The following MED1 variants were observed in gnomAD, a reference collection of about 807,000 sequenced individuals.
The protein encoded by MED1 is mediator of RNA polymerase II transcription subunit 1.
MED1 carries 17 observed loss-of-function variants against 121.3 expected under a neutral mutation model. The observed-to-expected ratio is 0.14, with a 90% CI of 0.10 to 0.21. The LOEUF (loss-of-function observed/expected upper bound fraction) is 0.21, where lower values mean the gene tolerates loss of function less well. Ranked by LOEUF, MED1 falls within the 10% of genes least tolerant of loss-of-function variation. The pLI, the probability that MED1 is intolerant of heterozygous loss-of-function variation, is 1.00. For synonymous variants in MED1, 661 were observed against 694.4 expected (o/e 0.95, Z 0.76); for missense variants, 1,558 against 1,919.4 (o/e 0.81, Z 3.52).
Position 39,409,756 on chromosome 17 carries a change from T to C in MED1, c.2465A>G (p.Asp822Gly), listed in dbSNP as rs1034339084. 6.2e-7 allele frequency: 1 copy of C among 1,613,820 alleles called. No individual in the cohort carries two copies. The stretch of plus-strand genomic sequence containing the variant: ...ATTGTTAGTTTGAAAGACATCAGAG[T>C]CAAACAGGGTACTCTGAGAATGCCC... The part of the protein sequence containing the change: ...SSGHSQSTLF[D>G]SDVFQTNNNE... Residue 822 changes from aspartate to glycine, a missense_variant, in exon 17 of 17, where the codon GAC becomes GGC. Transcript: ENST00000300651.
intron 10 of MED1, among the ~76,000 whole-genome samples, chr17:39,425,587 A>G (rs1351829306): frequency 3.3e-5 from 5 of 151,680 alleles, no homozygotes; most frequent in Admixed American, 6.6e-5. Flanking sequence ...GTGGATCACA[A>G]GGTCAGGGGT....
rs981855041 is a variant in MED1, at chr17:39,425,247, G to A, written c.740-509C>T. Among the ~76,000 whole-genome samples, 39 of 152,216 alleles carry A rather than the reference G, an allele frequency of 2.6e-4. 2 individuals carry two copies. Among genetic ancestry groups the A allele is most frequent in the Non-Finnish European group, 3.2e-4 (22 of 68,004 alleles). On this transcript the variant is annotated intron_variant, in intron 10 of 16. Coordinates refer to ENST00000300651, the MANE Select transcript of MED1 (RefSeq NM_004774.4). ...CTCACTCTGTCCAGACTGGAATGCA[G>A]TGGTGTGATCTCGACTCACTGCAAT...
In MED1 at chr17:39,422,517, C is replaced by T. The variant is rs1346598161; in HGVS notation, c.1095+810G>A. ...TTGAGACGGAATTTCGCTCTTGTTG[C>T]CCAGGCTGGAGTGCAGTGGCGCAAT... On this transcript the variant is annotated intron_variant, in intron 13 of 16. Coordinates refer to ENST00000300651, the MANE Select transcript of MED1 (RefSeq NM_004774.4). Among the ~76,000 whole-genome samples the T allele has an allele frequency of 4.8e-5, 6 of 126,030 alleles. No homozygotes were observed. In the East Asian group the frequency reaches 1.5e-3, roughly 31 times the overall value. The allele number at this position is 126,030 out of a possible 152,430, so 82.7% of individuals were successfully genotyped here.
chr17:39,427,971 C>T (rs1417392584), intron 9 of MED1, among the ~76,000 whole-genome samples, 181 bp from the exon 10 acceptor site: 1 of 152,062 alleles, frequency 6.6e-6, no homozygotes, highest in African/African-American at 2.4e-5. Flanking sequence ...AATCCTGGCT[C>T]TCTGGGAGGC....
Position 39,419,764 on chromosome 17 carries a change from T to C in MED1, c.1250A>G (p.Tyr417Cys), listed in dbSNP as rs369462427. The C allele has an allele frequency of 6.8e-6, 11 of 1,614,102 alleles. No homozygotes were observed. The South Asian group carries it at 7.7e-5, about 11-fold the overall frequency. The change falls in exon 14 of 17, where the codon TAT becomes TGT. Residue 417 changes from tyrosine to cysteine, a missense_variant. Coordinates refer to ENST00000300651, the MANE Select transcript of MED1 (RefSeq NM_004774.4). ...GACACAGCTTCCAATGAGGGTGTTA[T>C]AGGCCACTTGGTGTCTGATCAGATT... ...ILNLIRHQVA[Y>C]NTLIGSCVKR... is the part of the protein sequence containing the mutation.
intron 10 of MED1, among the ~76,000 whole-genome samples, chr17:39,426,006 C>T (rs2048511844): frequency 1.3e-5 from 2 of 152,098 alleles, no homozygotes; most frequent in African/African-American, 2.4e-5. Context: ...CTGGCTCACA[C>T]CTGTAATCCT....
intron 11 of MED1, among the ~76,000 whole-genome samples, chr17:39,424,263 C>A (rs1356739808): frequency 6.6e-6 from 1 of 152,312 alleles, no homozygotes; most frequent in East Asian, 1.9e-4. Context: ...GTGAAACTTC[C>A]TACCCCCAAT....
Position 39,408,419 on chromosome 17 carries a change from C to T in MED1, c.3802G>A (p.Ala1268Thr), listed in dbSNP as rs1214143199. The change falls in exon 17 of 17, where the codon GCA becomes ACA. Residue 1268 changes from alanine (A) to threonine (T), a missense_variant. By Grantham distance (58) the Ala-to-Thr change is moderately conservative. Coordinates refer to ENST00000300651, the MANE Select transcript of MED1 (RefSeq NM_004774.4). This position sits in a 1 kb window ranked among gnomAD's most constrained non-coding sequence, Gnocchi z 4.7. ...KTPPSSNSCT[A>T]SSSSFSSSGS... is the part of the protein sequence containing the mutation. ...CTTGAGGAAAAGGAGGAGGAAGATG[C>T]CGTACAGGAATTAGATGATGGGGGA... The T allele has an allele frequency of 1.9e-6, 3 of 1,614,094 alleles. No homozygotes were observed. The South Asian group carries it at 3.3e-5, about 18-fold the overall frequency.
chr17:39,412,533 C>CTTTTTTTTT (rs1170139893), intron 16 of MED1, among the ~76,000 whole-genome samples: 3 of 102,290 alleles, frequency 2.9e-5, no homozygotes, highest in Non-Finnish European at 2.1e-5. Flanking sequence ...GCAAATTTTT[C>CTTTTTTTTT]TTTTTTTTTT....
In MED1 at chr17:39,409,892, G is replaced by A; in HGVS notation, c.2329C>T (p.Pro777Ser). The change falls in exon 17 of 17, where the codon CCA becomes TCA. Residue 777 changes from proline (P) to serine (S), a missense_variant. Around this residue, in one of 5 missense-constraint regions of MED1, gnomAD observed 793 missense variants for 898.2 expected, o/e 0.88. Transcript: ENST00000300651. ...TCTGAAAGGATGTCAGTTACATCTG[G>A]GCCAATGCTGTCTGAACTGGATAGT... ...VRLSSSDSIG[P>S]DVTDILSDIA... is the part of the protein sequence containing the mutation. The A allele has an allele frequency of 6.2e-7, 1 of 1,614,098 alleles. No individual in the cohort carries two copies. Among genetic ancestry groups the A allele is most frequent in the Non-Finnish European group, 8.5e-7 (1 of 1,180,024 alleles).
Position 39,439,197 on chromosome 17 carries a change from A to C in MED1, c.400-4T>G, listed in dbSNP as rs779797619. The C allele has an allele frequency of 6.3e-7, 1 of 1,579,160 alleles. No individual in the cohort carries two copies. The highest frequency in any genetic ancestry group is 2.1e-5 in the Admixed American group (1 of 47,496). On this transcript the variant is annotated splice_region_variant and splice_polypyrimidine_tract_variant and intron_variant, in intron 5 of 16. Transcript: ENST00000300651. ...GCTGTACAAGCTCCGGACAGCTCTG[A>C]AATCAAAGAAAATTATGTTAAAACA...
Position 39,406,764 on chromosome 17 carries a change from A to C in MED1, c.*711T>G. The C allele has an allele frequency of 1.0e-6, 1 of 985,538 alleles. No individual in the cohort carries two copies. Among genetic ancestry groups the C allele is most frequent in the Non-Finnish European group, 1.2e-6 (1 of 829,904 alleles). The allele number at this position is 985,538 out of a possible 1,614,324, so 61.0% of individuals were successfully genotyped here. ...TGATGCTACAGTATTAGCACAAGCTATAAGCTCCCTACCACCATATAAGCC... is the reference window on the plus strand; with the variant it reads ...TGATGCTACAGTATTAGCACAAGCTCTAAGCTCCCTACCACCATATAAGCC... On this transcript the variant is annotated 3_prime_UTR_variant, in exon 17 of 17. Coordinates refer to ENST00000300651, the MANE Select transcript of MED1 (RefSeq NM_004774.4).
intron 13 of MED1, among the ~76,000 whole-genome samples, chr17:39,420,493 G>T (rs1257664434): frequency 6.6e-6 from 1 of 151,812 alleles, no homozygotes; most frequent in African/African-American, 2.4e-5. Context: ...AAACAACCAC[G>T]CCCGGCTGCA....
At chr17:39,447,140 C>T (rs151201068) in intron 2 of MED1, among the ~76,000 whole-genome samples, 25 of 152,222 alleles carry the variant, frequency 1.6e-4, no homozygotes, top group African/African-American at 5.5e-4. Context: ...CCTGTAATCC[C>T]AGCACTTTGG....
intron 1 of MED1, among the ~76,000 whole-genome samples, chr17:39,449,436 C>T (rs2048760255): frequency 6.6e-6 from 1 of 152,160 alleles, no homozygotes; most frequent in Non-Finnish European, 1.5e-5. Context: ...CCGCTTCGGC[C>T]TCCCAAGGTG....
chr17:39,408,980 T>G lies in MED1; in HGVS notation c.3241A>C (p.Ser1081Arg). Residue 1081 changes from serine to arginine, a missense_variant, in exon 17 of 17, where the codon AGT (serine) becomes CGT (arginine). Transcript: ENST00000300651. The surrounding 1 kb of genome is among the most constrained non-coding windows in gnomAD (Gnocchi z 4.7). ...TVMVGKPSSH[S>R]QYTSSGSVSS... Reference sequence around the variant, plus strand: ...ACAGAACCACTGCTGGTATACTGACTGTGAGAGGAAGGCTTGCCCACCATC... The same window carrying G: ...ACAGAACCACTGCTGGTATACTGACGGTGAGAGGAAGGCTTGCCCACCATC... The G allele has an allele frequency of 6.2e-7, 1 of 1,614,214 alleles. No individual in the cohort carries two copies. Among genetic ancestry groups the G allele is most frequent in the South Asian group, 1.1e-5 (1 of 91,088 alleles).
chr17:39,444,176 C>A (rs1010727731), intron 2 of MED1, among the ~76,000 whole-genome samples: 2 of 152,018 alleles, frequency 1.3e-5, no homozygotes, highest in African/African-American at 2.4e-5. Flanking sequence ...ATCTGAGAAA[C>A]ACAACCAAAT....
rs1430616840 is a variant in MED1 at position 39,439,158 on chromosome 17, T to G, written c.428+7A>C. ...AATATCAAGGAATATAAATCGTATT[T>G]GCTCACCTTAGCTGCTGTACAAGCT... On this transcript the variant is annotated splice_region_variant and intron_variant, in intron 6 of 16. Coordinates refer to ENST00000300651, the MANE Select transcript of MED1 (RefSeq NM_004774.4). The G allele has an allele frequency of 3.8e-6, 6 of 1,594,210 alleles. No individual in the cohort carries two copies. In the African/African-American group the frequency reaches 5.4e-5, roughly 14 times the overall value.
chr17:39,431,013 T>C lies in MED1; in HGVS notation c.649+102A>G, dbSNP rs1047454536. 27 of 1,097,586 alleles carry C rather than the reference T, an allele frequency of 2.5e-5. 1 individual carries two copies. The highest frequency in any genetic ancestry group is 3.4e-5 in the Non-Finnish European group (25 of 735,280). The allele number at this position is 1,097,586 out of a possible 1,614,324, so 68.0% of individuals were successfully genotyped here. A position where few individuals can be genotyped will look rare whatever the true frequency, so the allele number is the denominator to read the frequency against. ...CAGCCTGGGCAACAAAGTGAGACTC[T>C]GTCTCAAAAAAATAAACAAACAAAC... On this transcript the variant is annotated intron_variant, in intron 9 of 16. Coordinates refer to ENST00000300651, the MANE Select transcript of MED1 (RefSeq NM_004774.4).
Sources: gnomAD v4.1 joint callset for allele counts (sites outside exome capture counted in the v4.1 genomes callset) on GRCh38, gnomAD v4.1.1 for gene constraint, gnomAD v4.1.1 regional missense constraint, Gnocchi (gnomAD v3.1) non-coding constraint, MANE v1.5 for transcripts, NCBI Gene and HGNC (gene_info 2026-07-23, HGNC 2026-07-21) for gene names.